Variants in LRP1B observed in about 807,000 individuals in gnomAD.
LRP1B encodes the protein low-density lipoprotein receptor-related protein 1B.
In LRP1B, 217 loss-of-function variants were observed where a neutral mutation model predicts 556.6. The ratio of observed to expected loss-of-function variants is 0.39; its 90% confidence interval spans 0.35 to 0.44. LRP1B has a LOEUF of 0.44. Ranked by LOEUF, LRP1B falls within the 20% of genes least tolerant of loss-of-function variation. LRP1B has a pLI of 1.00. For synonymous variants in LRP1B, 2,047 were observed against 1,865.8 expected, an observed-to-expected ratio of 1.10 and a Z score of -2.50; for missense variants, 5,053 against 5,620.8, an observed-to-expected ratio of 0.90 and a Z score of 3.23.
chr2:140,690,173 G>A (rs566990317), intron 41 of LRP1B, among the ~76,000 whole-genome samples: 1 of 151,172 alleles, frequency 6.6e-6, no homozygotes, highest in Non-Finnish European at 1.5e-5. Context: ...AGAAAGCACC[G>A]AGAAGAATCC....
chr2:140,840,132 C>T, intron 30 of LRP1B, 47 bp from the exon 31 acceptor site: 2 of 1,053,968 alleles, frequency 1.9e-6, no homozygotes, highest in Non-Finnish European at 2.8e-6. Flanking sequence ...TGTAGACCTA[C>T]TCACTGAGAA....
At chr2:140,411,777 C>T (rs67742821) in intron 66 of LRP1B, among the ~76,000 whole-genome samples, 17,591 of 152,078 alleles carry the variant, frequency 0.12, 1,163 homozygotes, top group African/African-American at 0.18. Flanking sequence ...GTTTTTCTAA[C>T]ATGTATGAGA....
At chr2:140,370,510 C>T (rs560689486) in intron 71 of LRP1B, among the ~76,000 whole-genome samples, 200 bp downstream of exon 71, 1 of 151,904 alleles carries the variant, frequency 6.6e-6, no homozygotes, top group South Asian at 2.1e-4. Context: ...TTTGTCATGC[C>T]CAGATTGGGA....
At chr2:141,169,507 G>T (rs1168671006) in intron 7 of LRP1B, among the ~76,000 whole-genome samples, 1 of 151,738 alleles carries the variant, frequency 6.6e-6, no homozygotes, top group African/African-American at 2.4e-5. Flanking sequence ...ATTGAAGTGA[G>T]GAGAATTACA....
intron 8 of LRP1B, among the ~76,000 whole-genome samples, chr2:141,061,153 C>T (rs114891164): frequency 1.3e-5 from 2 of 151,752 alleles, no homozygotes; most frequent in African/African-American, 4.8e-5. Flanking sequence ...AAAGCACTGG[C>T]CCACCTTTAA....
rs1449409367 is a variant in LRP1B, at chr2:140,663,826, A to C, written c.6799+36424T>G. The stretch of plus-strand genomic sequence containing the variant: ...AATCTGGCTTTTATTGCGTTTCAAC[A>C]TGCTTTCCTCACTAAGTTTAATCAT... On this transcript the variant is annotated intron_variant, in intron 41 of 90. Transcript: ENST00000389484. 1.3e-5 allele frequency among the ~76,000 whole-genome samples: 2 copies of C among 152,196 alleles called. 1 individual carries two copies. The highest frequency in any genetic ancestry group is 4.1e-4 in the South Asian group (2 of 4,834).
chr2:140,644,708 C>T (rs1451244240), intron 41 of LRP1B, among the ~76,000 whole-genome samples: 1 of 152,092 alleles, frequency 6.6e-6, no homozygotes, highest in African/African-American at 2.4e-5. Context: ...CCACCATGCC[C>T]AGCCTATTTA....
intron 1 of LRP1B, among the ~76,000 whole-genome samples, chr2:142,015,660 A>G (rs921966275): frequency 3.3e-5 from 5 of 152,120 alleles, no homozygotes; most frequent in Non-Finnish European, 7.4e-5. Context: ...TCTACAAGGA[A>G]CTTAAACAAA....
At chr2:140,391,629 G>C (rs1036568901) in intron 66 of LRP1B, among the ~76,000 whole-genome samples, 4 of 152,096 alleles carry the variant, frequency 2.6e-5, no homozygotes, top group African/African-American at 9.7e-5. Context: ...GGTATTATCA[G>C]CATGGGAAGG....
intron 41 of LRP1B, among the ~76,000 whole-genome samples, chr2:140,635,009 T>C (rs1343446757): frequency 6.6e-6 from 1 of 152,076 alleles, no homozygotes; most frequent in East Asian, 1.9e-4. Flanking sequence ...CACATGACAG[T>C]AATATATTAG....
chr2:141,442,141 A>T (rs1419001826), intron 3 of LRP1B, among the ~76,000 whole-genome samples: 1 of 152,144 alleles, frequency 6.6e-6, no homozygotes, highest in Non-Finnish European at 1.5e-5. Flanking sequence ...CCATTTCCAA[A>T]TTGTGCACTT....
At chr2:141,884,717 C>T (rs1699056862) in intron 1 of LRP1B, among the ~76,000 whole-genome samples, 2 of 152,206 alleles carry the variant, frequency 1.3e-5, no homozygotes, top group Non-Finnish European at 2.9e-5. Context: ...CTAAAAGTCA[C>T]TATGAATGGG....
chr2:140,592,482 T>G (rs1221748949), intron 43 of LRP1B, among the ~76,000 whole-genome samples: 1 of 152,114 alleles, frequency 6.6e-6, no homozygotes, highest in African/African-American at 2.4e-5. Flanking sequence ...ATCTTCTTTC[T>G]TGTCTTTGGT....
chr2:141,262,458 A>T (rs1473229123), intron 3 of LRP1B, among the ~76,000 whole-genome samples: 2 of 152,142 alleles, frequency 1.3e-5, no homozygotes, highest in African/African-American at 4.8e-5. Context: ...CATAAAATCA[A>T]ATCTCAATAT....
intron 65 of LRP1B, among the ~76,000 whole-genome samples, chr2:140,444,044 C>T (rs1477648927): frequency 6.6e-6 from 1 of 151,986 alleles, no homozygotes; most frequent in East Asian, 1.9e-4. Flanking sequence ...TAATCAACTG[C>T]CATGTTTTAT....
In LRP1B at chr2:141,342,207, G is replaced by A. The variant is rs541373282; in HGVS notation, c.344-87566C>T. 6.2e-3 allele frequency among the ~76,000 whole-genome samples: 901 copies of A among 145,614 alleles called. 12 individuals are homozygous for A. Among genetic ancestry groups the A allele is most frequent in the African/African-American group, 0.021 (824 of 39,544 alleles). On this transcript the variant is annotated intron_variant, in intron 3 of 90. Transcript: ENST00000389484. ...TGCAGTGAGCCGAGATCGTGCCACC[G>A]CACTCCAGCCAGGGTGACAGAGTGA... is the stretch of plus-strand genomic sequence containing the variant.
At chr2:140,625,688 C>T (rs948756474) in intron 41 of LRP1B, among the ~76,000 whole-genome samples, 5 of 152,126 alleles carry the variant, frequency 3.3e-5, no homozygotes, top group African/African-American at 9.7e-5. Flanking sequence ...TGAGATACTA[C>T]TACATCTCTA....
chr2:140,871,564 C>A (rs1286267265), intron 25 of LRP1B, among the ~76,000 whole-genome samples: 1 of 152,138 alleles, frequency 6.6e-6, no homozygotes, highest in Non-Finnish European at 1.5e-5. Context: ...GGAGTAGATT[C>A]ATCTCATAGA....
intron 45 of LRP1B, among the ~76,000 whole-genome samples, chr2:140,540,544 C>A (rs1201496359): frequency 6.6e-6 from 1 of 152,060 alleles, no homozygotes; most frequent in Non-Finnish European, 1.5e-5. Flanking sequence ...CTGCATGAGC[C>A]ATTCTCTCTC....
Sources: allele counts gnomAD v4.1 joint callset (sites outside exome capture counted in the v4.1 genomes callset), GRCh38; gene constraint gnomAD v4.1.1; transcripts MANE v1.5; gene names NCBI Gene and HGNC (gene_info 2026-07-23, HGNC 2026-07-21).